PHLPP1: variants seen among roughly 807,000 people sequenced by gnomAD.
The protein encoded by PHLPP1 is PH domain and leucine rich repeat protein phosphatase 1.
PHLPP1 carries 42 observed loss-of-function variants against 117.2 expected under a neutral mutation model. The ratio of observed to expected loss-of-function variants is 0.36; its 90% CI spans 0.28 to 0.46. The LOEUF (loss-of-function observed/expected upper bound fraction) is 0.46, where lower values mean the gene tolerates loss of function less well. Among genes scored for constraint, PHLPP1 ranks in the 20% least tolerant of loss-of-function variants. The pLI, the probability that PHLPP1 is intolerant of heterozygous loss-of-function variation, is 1.00. For missense variants in PHLPP1, 2,084 were observed against 2,241.9 expected (o/e 0.93, Z 1.42); for synonymous variants, 1,042 against 970.7 (o/e 1.07, Z -1.37).
chr18:62,858,354 G>A (rs929763947), intron 3 of PHLPP1, among the ~76,000 whole-genome samples: 1 of 149,876 alleles, frequency 6.7e-6, no homozygotes, highest in African/African-American at 2.5e-5. Flanking sequence ...CCTCTGCCTC[G>A]TGGGTTCAAG....
In PHLPP1 at chr18:62,978,044, C is replaced by T. The variant is rs1280521854; in HGVS notation, c.3985-218C>T. On this transcript the variant is annotated intron_variant, in intron 16 of 16. Coordinates refer to ENST00000262719, the MANE Select transcript of PHLPP1 (RefSeq NM_194449.4). This position sits in a 1 kb window ranked among gnomAD's most constrained non-coding sequence, Gnocchi z 7.0. ...TAACCGAAATCTTTTCCTTTTGTCC[C>T]TACTGCTCCTTACCTGCCCAGGCCT... Among the ~76,000 whole-genome samples, 1 of 152,132 alleles carries T rather than the reference C, an allele frequency of 6.6e-6. No homozygotes were observed. The highest frequency in any genetic ancestry group is 6.5e-5 in the Admixed American group (1 of 15,286).
At chr18:62,883,304 G>A (rs748789175) in intron 4 of PHLPP1, among the ~76,000 whole-genome samples, 4 of 152,182 alleles carry the variant, frequency 2.6e-5, no homozygotes, top group South Asian at 2.1e-4. Context: ...CTGGGAGGGC[G>A]TGTTTGTAGC....
rs748122953 is a variant in PHLPP1, at chr18:62,855,161, G to A, written c.1900-5274G>A. ...TGGAAGAGTGCCTATCACAAAGAAG[G>A]CACTACTTAAATGTTAACTATTATT... On this transcript the variant is annotated intron_variant, in intron 3 of 16. Transcript: ENST00000262719. Among the ~76,000 whole-genome samples the A allele has an allele frequency of 5.9e-5, 9 of 152,142 alleles. No individual in the cohort carries two copies. In the East Asian group the frequency reaches 1.5e-3, roughly 26 times the overall value.
At chr18:62,968,287 C>T (rs1446467109) in intron 14 of PHLPP1, among the ~76,000 whole-genome samples, 1 of 152,112 alleles carries the variant, frequency 6.6e-6, no homozygotes, top group African/African-American at 2.4e-5. Context: ...AGTGTTTCCT[C>T]ATCTTGAGTT....
At chr18:62,796,531 CA>C (rs1193415994) in intron 1 of PHLPP1, among the ~76,000 whole-genome samples, 3 of 152,190 alleles carry the variant, frequency 2.0e-5, no homozygotes, top group African/African-American at 7.2e-5. Context: ...GCCAAGGTCC[CA>C]GGTCTTTTTG....
intron 3 of PHLPP1, among the ~76,000 whole-genome samples, chr18:62,854,932 A>G (rs963322826): frequency 6.6e-6 from 1 of 151,932 alleles, no homozygotes; most frequent in Admixed American, 6.6e-5. Context: ...CCTGACCTCA[A>G]ATGATCCACC....
intron 15 of PHLPP1, among the ~76,000 whole-genome samples, chr18:62,973,142 G>A (rs1911099161): frequency 6.6e-6 from 1 of 152,190 alleles, no homozygotes; most frequent in African/African-American, 2.4e-5. Flanking sequence ...GTTTGAGATA[G>A]TGCAAACCTT....
intron 4 of PHLPP1, among the ~76,000 whole-genome samples, chr18:62,866,178 C>T (rs1209229789): frequency 6.6e-6 from 1 of 151,770 alleles, no homozygotes; most frequent in Admixed American, 6.6e-5. Flanking sequence ...AAGGTTTCAA[C>T]TATATCTGTA....
Position 62,716,941 on chromosome 18 carries a change from C to T in PHLPP1, c.1258C>T (p.Pro420Ser). 5.2e-6 allele frequency: 8 copies of T among 1,536,834 alleles called. No homozygotes were observed. Among genetic ancestry groups the T allele is most frequent in the South Asian group, 1.2e-5 (1 of 83,926 alleles). The stretch of plus-strand genomic sequence containing the variant: ...CTCGCCTCAGCCGCAGCAGAAAGCC[C>T]CGAGGGCCATTGACAGCCCGGGCGG... ...ASSPQPQQKA[P>S]RAIDSPGGAV... Residue 420 changes from proline (P) to serine (S), a missense_variant, in exon 1 of 17, where the codon CCG becomes TCG. Transcript: ENST00000262719. The surrounding 1 kb of genome is among the most constrained non-coding windows in gnomAD (Gnocchi z 5.7).
At position 62,979,563 on chromosome 18, in the gene PHLPP1, C is replaced by A; in HGVS notation, c.*132C>A. On this transcript the variant is annotated 3_prime_UTR_variant, in exon 17 of 17. Coordinates refer to ENST00000262719, the MANE Select transcript of PHLPP1 (RefSeq NM_194449.4). The stretch of plus-strand genomic sequence containing the variant: ...CACTGTTCCCAACCTGTCATCGCAG[C>A]TAATCTGTAGGTTCTCTTTCTTTGG... The A allele has an allele frequency of 1.0e-6, 1 of 981,674 alleles. No individual in the cohort carries two copies. Among genetic ancestry groups the A allele is most frequent in the Non-Finnish European group, 1.5e-6 (1 of 674,656 alleles). The allele number at this position is 981,674 out of a possible 1,614,324, so 60.8% of individuals were successfully genotyped here. A position where few individuals can be genotyped will look rare whatever the true frequency, so the allele number is the denominator to read the frequency against.
rs575787179 is a variant in PHLPP1 at position 62,824,894 on chromosome 18, A to AT, written c.1577-5133dup. 1.6e-3 allele frequency among the ~76,000 whole-genome samples: 214 copies of AT among 135,402 alleles called. 8 individuals carry two copies. In the South Asian group the frequency reaches 0.049, roughly 31 times the overall value. The allele number at this position is 135,402 out of a possible 152,430, so 88.8% of individuals were successfully genotyped here. ...TTATAATGGACCACCCCCACCCCCC[A>AT]TTTTTTTTAACAGTGGTCAAATGAG... On this transcript the variant is annotated intron_variant, in intron 1 of 16. Coordinates refer to ENST00000262719, the MANE Select transcript of PHLPP1 (RefSeq NM_194449.4).
chr18:62,979,291 G>A lies in PHLPP1; in HGVS notation c.5014G>A (p.Glu1672Lys). 6.4e-7 allele frequency: 1 copy of A among 1,557,632 alleles called. No individual in the cohort carries two copies. Among genetic ancestry groups the A allele is most frequent in the Non-Finnish European group, 8.7e-7 (1 of 1,150,254 alleles). The change falls in exon 17 of 17, where the codon GAG (glutamate) becomes AAG (lysine). Residue 1672 changes from glutamate to lysine, a missense_variant. By Grantham distance (56) the Glu-to-Lys change is moderately conservative (BLOSUM62 1). Transcript: ENST00000262719. ...DQFIIPPELEEEVKEIMKHHQ... is the reference protein window; with the variant it reads ...DQFIIPPELEKEVKEIMKHHQ... ...GTTTATCATACCCCCGGAGCTGGAA[G>A]AGGAGGTCAAAGAAATCATGAAGCA...
chr18:62,867,140 TGCCTGAAGCTCCA>T (rs914296787), intron 4 of PHLPP1, among the ~76,000 whole-genome samples: 1 of 152,188 alleles, frequency 6.6e-6, no homozygotes, highest in Non-Finnish European at 1.5e-5. Flanking sequence ...AAGAAGTAGG[TGCCTGAAGCTCCA>T]GCCCATCCCT....
At chr18:62,977,325 G>A (rs1440978790) in intron 16 of PHLPP1, among the ~76,000 whole-genome samples, 1 of 149,376 alleles carries the variant, frequency 6.7e-6, no homozygotes, top group Non-Finnish European at 1.5e-5. Context: ...TCATAATGAA[G>A]CCTTTCCTGG....
intron 3 of PHLPP1, chr18:62,839,515 G>C (rs1914998145): frequency 6.6e-6 from 1 of 151,726 alleles, no homozygotes; most frequent in South Asian, 2.1e-4. Context: ...TCAGGAGTTT[G>C]AGACCAGCCT....
chr18:62,765,045 C>T (rs1315087549), intron 1 of PHLPP1, among the ~76,000 whole-genome samples: 1 of 152,154 alleles, frequency 6.6e-6, no homozygotes, highest in East Asian at 1.9e-4. Flanking sequence ...ATGTCCTTCC[C>T]TCAAATTGCT....
intron 4 of PHLPP1, among the ~76,000 whole-genome samples, chr18:62,861,163 G>T (rs905730152): frequency 6.6e-5 from 10 of 152,084 alleles, no homozygotes; most frequent in Admixed American, 5.9e-4. Context: ...AGGCTGGAGT[G>T]CAGTGGCATG....
intron 13 of PHLPP1, 93 bp from the exon 14 acceptor site, chr18:62,963,275 T>G (rs574918523): frequency 2.9e-4 from 228 of 780,050 alleles, no homozygotes; most frequent in Non-Finnish European, 2.2e-4. Context: ...ACAGAGTGTT[T>G]AACAGGTGTA....
At chr18:62,768,047 C>T (rs190319451) in intron 1 of PHLPP1, among the ~76,000 whole-genome samples, 73 of 152,294 alleles carry the variant, frequency 4.8e-4, no homozygotes, top group African/African-American at 1.7e-3. Flanking sequence ...CCATTAGCAC[C>T]TCTATATCTG....
Sources: allele counts gnomAD v4.1 joint callset (sites outside exome capture counted in the v4.1 genomes callset), GRCh38; gene constraint gnomAD v4.1.1; non-coding constraint Gnocchi (gnomAD v3.1); transcripts MANE v1.5; gene names NCBI Gene and HGNC (gene_info 2026-07-23, HGNC 2026-07-21).